The following DIAPH3 variants were observed in gnomAD, a reference collection of about 807,000 sequenced individuals.
DIAPH3 encodes the protein protein diaphanous homolog 3.
In DIAPH3, 117 loss-of-function variants were observed where a neutral mutation model predicts 144.3. The ratio of observed to expected loss-of-function variants is 0.81; its 90% confidence interval spans 0.70 to 0.95. DIAPH3 has a LOEUF of 0.95. Among genes scored for constraint, DIAPH3 ranks in the 40% least tolerant of loss-of-function variants. The pLI is 0.00. For synonymous variants in DIAPH3, 519 were observed against 488.9 expected (o/e 1.06, Z -0.81); for missense variants, 1,421 against 1,412.7 (o/e 1.01, Z -0.09).
chr13:60,152,166 T>C (rs1399185406), intron 1 of DIAPH3, among the ~76,000 whole-genome samples: 1 of 152,170 alleles, frequency 6.6e-6, no homozygotes, highest in African/African-American at 2.4e-5. Context: ...ACTAAATAAA[T>C]GCAGCATTAT....
At chr13:60,087,068 C>T (rs538124478) in intron 4 of DIAPH3, among the ~76,000 whole-genome samples, 6 of 152,090 alleles carry the variant, frequency 3.9e-5, no homozygotes, top group Non-Finnish European at 8.8e-5. Flanking sequence ...ATACCCAATA[C>T]AACGTAAATG....
At chr13:60,160,080 C>T (rs1952217402) in intron 1 of DIAPH3, among the ~76,000 whole-genome samples, 1 of 152,160 alleles carries the variant, frequency 6.6e-6, no homozygotes, top group South Asian at 2.1e-4. Context: ...AAAAATTAGC[C>T]GGGCGTTGCG....
intron 27 of DIAPH3, among the ~76,000 whole-genome samples, chr13:59,737,588 T>C (rs1258284068): frequency 6.6e-6 from 1 of 152,140 alleles, no homozygotes; most frequent in Non-Finnish European, 1.5e-5. Flanking sequence ...TTTTACTAGC[T>C]CCAAACCCCA....
At chr13:59,839,277 T>C (rs946622745) in intron 23 of DIAPH3, 47 bp downstream of exon 23, 2 of 1,605,590 alleles carry the variant, frequency 1.2e-6, no homozygotes, top group Non-Finnish European at 1.7e-6. Flanking sequence ...ATAAATTGTA[T>C]CTCTAGTTGA....
intron 1 of DIAPH3, among the ~76,000 whole-genome samples, chr13:60,155,732 CAAGT>C (rs1952000327): frequency 6.6e-6 from 1 of 152,126 alleles, no homozygotes; most frequent in African/African-American, 2.4e-5. Context: ...AATGAAGGAA[CAAGT>C]TCAAAAAATC....
chr13:60,095,982 T>C (rs1323636468), intron 3 of DIAPH3, among the ~76,000 whole-genome samples: 2 of 152,208 alleles, frequency 1.3e-5, no homozygotes, highest in African/African-American at 4.8e-5. Context: ...GAAGCAGAGA[T>C]TCAAGAGTAT....
intron 27 of DIAPH3, among the ~76,000 whole-genome samples, chr13:59,750,661 G>T (rs1321942828): frequency 1.3e-5 from 2 of 152,166 alleles, no homozygotes; most frequent in African/African-American, 4.8e-5. Flanking sequence ...TCTAATACCT[G>T]TGTGAATTAC....
chr13:59,864,126 A>T (rs1344630456), intron 21 of DIAPH3, among the ~76,000 whole-genome samples: 2 of 152,072 alleles, frequency 1.3e-5, no homozygotes, highest in African/African-American at 2.4e-5. Context: ...GTCAGTTGGA[A>T]TCATTCTATG....
chr13:59,881,156 A>ATGGGTTCAC (rs2045011448), intron 20 of DIAPH3, among the ~76,000 whole-genome samples: 1 of 145,830 alleles, frequency 6.9e-6, no homozygotes, highest in Admixed American at 6.6e-5. Context: ...CTTAAAATAT[A>ATGGGTTCAC]TTATATTTTA....
intron 9 of DIAPH3, among the ~76,000 whole-genome samples, chr13:59,994,382 C>A (rs970015766): frequency 6.6e-6 from 1 of 151,830 alleles, no homozygotes; most frequent in Non-Finnish European, 1.5e-5. Flanking sequence ...TACATACCTG[C>A]GGTATCACAC....
At chr13:59,749,651 C>T (rs2036898457) in intron 27 of DIAPH3, among the ~76,000 whole-genome samples, 1 of 150,562 alleles carries the variant, frequency 6.6e-6, no homozygotes, top group African/African-American at 2.4e-5. Flanking sequence ...TGCAAGATAC[C>T]TTGCATATAA....
At chr13:60,028,197 C>T (rs1014731318) in intron 5 of DIAPH3, among the ~76,000 whole-genome samples, 7 of 152,090 alleles carry the variant, frequency 4.6e-5, no homozygotes, top group African/African-American at 1.7e-4. Context: ...AGTTAGTTCC[C>T]ATTTCTCTCC....
At chr13:59,923,428 A>G (rs1250991693) in intron 18 of DIAPH3, among the ~76,000 whole-genome samples, 1 of 152,178 alleles carries the variant, frequency 6.6e-6, no homozygotes, top group Non-Finnish European at 1.5e-5. Context: ...TATGTACATC[A>G]TGCAAAAAAC....
At chr13:59,702,984 C>T (rs1029909937) in intron 27 of DIAPH3, among the ~76,000 whole-genome samples, 13 of 152,164 alleles carry the variant, frequency 8.5e-5, no homozygotes, top group Admixed American at 2.0e-4. Context: ...AAACTGTATG[C>T]CCCTCATGCT....
intron 24 of DIAPH3, among the ~76,000 whole-genome samples, chr13:59,823,056 T>C (rs774280677): frequency 1.4e-4 from 21 of 152,210 alleles, no homozygotes; most frequent in Admixed American, 4.6e-4. Context: ...AATCTAGGCA[T>C]TACCTTTTGC....
intron 17 of DIAPH3, among the ~76,000 whole-genome samples, chr13:59,950,920 T>C (rs909625241): frequency 1.3e-5 from 2 of 152,146 alleles, no homozygotes; most frequent in African/African-American, 2.4e-5. Flanking sequence ...AATTCTACGA[T>C]GAAATTGAAT....
chr13:60,138,214 A>G (rs2059340404), intron 1 of DIAPH3, among the ~76,000 whole-genome samples: 1 of 152,226 alleles, frequency 6.6e-6, no homozygotes, highest in African/African-American at 2.4e-5. Context: ...AGAGGGCCTC[A>G]GTCTACCAAT....
intron 1 of DIAPH3, among the ~76,000 whole-genome samples, chr13:60,155,465 AT>A: frequency 6.6e-6 from 1 of 152,332 alleles, no homozygotes; most frequent in South Asian, 2.1e-4. Context: ...ATTTAAAAAA[AT>A]TTCTGGGTTT....
In DIAPH3 at chr13:59,748,448, T is replaced by A. The variant is rs542631031; in HGVS notation, c.3319+25741A>T. 6.6e-5 allele frequency among the ~76,000 whole-genome samples: 10 copies of A among 152,370 alleles called. No individual in the cohort carries two copies. In the South Asian group the frequency reaches 2.1e-3, roughly 32 times the overall value. ...TTGTAAAGACATTTTAGACTTCACC[T>A]GTGCTCAGAACCCTATGGGAGACCC... On this transcript the variant is annotated intron_variant, in intron 27 of 27. Coordinates refer to ENST00000400324, the MANE Select transcript of DIAPH3 (RefSeq NM_001042517.2).
Sources: allele counts gnomAD v4.1 joint callset (sites outside exome capture counted in the v4.1 genomes callset), GRCh38; gene constraint gnomAD v4.1.1; transcripts MANE v1.5; gene names NCBI Gene and HGNC (gene_info 2026-07-23, HGNC 2026-07-21).